Variants in ASAP1 observed in about 807,000 individuals in gnomAD.
ASAP1 encodes the protein ArfGAP with SH3 domain, ankyrin repeat and PH domain 1, also known as arf-GAP with SH3 domain, ANK repeat and PH domain-containing protein 1.
Under a neutral mutation model 145.2 loss-of-function variants are expected in ASAP1, and 43 were observed. The observed-to-expected ratio is 0.30, with a 90% confidence interval of 0.23 to 0.38. The LOEUF (loss-of-function observed/expected upper bound fraction) is 0.38, where lower values mean the gene tolerates loss of function less well. ASAP1 is among the 10% of genes least tolerant of loss of function. The probability of loss-of-function intolerance (pLI) is 1.00; values close to 1 mark genes in which losing one functional copy is unlikely to be tolerated. For missense variants in ASAP1, 1,018 were observed against 1,355.3 expected (o/e 0.75, Z 3.91); for synonymous variants, 546 against 515.5 (o/e 1.06, Z -0.80).
At chr8:130,214,468 A>AG in intron 5 of ASAP1, 88 bp downstream of exon 5, 1 of 1,298,712 alleles carries the variant, frequency 7.7e-7, no homozygotes, top group African/African-American at 1.5e-5. Flanking sequence ...CCAAGGATTG[A>AG]GGGGGAAGGA....
At chr8:130,282,474 C>T (rs1821310664) in intron 3 of ASAP1, among the ~76,000 whole-genome samples, 1 of 152,154 alleles carries the variant, frequency 6.6e-6, no homozygotes, top group Non-Finnish European at 1.5e-5. Flanking sequence ...GCTTAAGGTT[C>T]ACCAATTGCA....
intron 3 of ASAP1, among the ~76,000 whole-genome samples, chr8:130,283,551 C>A (rs144340531): frequency 1.1e-4 from 15 of 141,672 alleles, no homozygotes; most frequent in African/African-American, 3.6e-4. Flanking sequence ...CTGCACCACT[C>A]CAGCCTGGTG....
intron 9 of ASAP1, among the ~76,000 whole-genome samples, chr8:130,171,392 C>T (rs1813585215): frequency 1.3e-5 from 2 of 152,124 alleles, no homozygotes; most frequent in Non-Finnish European, 2.9e-5. Context: ...CCTCAGGAAA[C>T]TTACAACCAT....
intron 25 of ASAP1, chr8:130,083,257 T>C (rs905050411): frequency 2.6e-5 from 4 of 152,230 alleles, no homozygotes; most frequent in South Asian, 2.1e-4. Flanking sequence ...TTTCCAAAGA[T>C]GGTGTGAGTT....
At chr8:130,056,671 A>G (rs937631027) in intron 29 of ASAP1, among the ~76,000 whole-genome samples, 2 of 152,194 alleles carry the variant, frequency 1.3e-5, no homozygotes, top group Non-Finnish European at 1.5e-5. Flanking sequence ...GCCCATGCCT[A>G]TGTGTGTGTG....
intron 2 of ASAP1, among the ~76,000 whole-genome samples, chr8:130,374,767 T>G (rs899269331): frequency 1.1e-4 from 17 of 152,152 alleles, no homozygotes; most frequent in African/African-American, 3.1e-4. Context: ...GTGCCCAACC[T>G]CCTAGTCCTG....
At chr8:130,287,465 C>A (rs1454709618) in intron 3 of ASAP1, among the ~76,000 whole-genome samples, 1 of 152,096 alleles carries the variant, frequency 6.6e-6, no homozygotes, top group African/African-American at 2.4e-5. Flanking sequence ...ACCCACTGAC[C>A]CCCTCATCCA....
At chr8:130,298,119 G>A (rs921280654) in intron 3 of ASAP1, among the ~76,000 whole-genome samples, 2 of 152,150 alleles carry the variant, frequency 1.3e-5, no homozygotes, top group Non-Finnish European at 2.9e-5. Flanking sequence ...TTGGCCTCTA[G>A]GGTGCAAAAT....
intron 3 of ASAP1, among the ~76,000 whole-genome samples, chr8:130,280,354 A>T (rs1388813692): frequency 6.6e-6 from 1 of 152,250 alleles, no homozygotes; most frequent in African/African-American, 2.4e-5. Flanking sequence ...AATTGTGATT[A>T]TATGTCCCAA....
At chr8:130,238,939 C>A (rs1818369361) in intron 3 of ASAP1, among the ~76,000 whole-genome samples, 1 of 152,264 alleles carries the variant, frequency 6.6e-6, no homozygotes, top group South Asian at 2.1e-4. Flanking sequence ...AACTCCATAT[C>A]TTATCACATC....
At chr8:130,310,371 T>C (rs1317793857) in intron 3 of ASAP1, among the ~76,000 whole-genome samples, 8 of 152,180 alleles carry the variant, frequency 5.3e-5, no homozygotes, top group South Asian at 2.1e-4. Flanking sequence ...AGACCACTTA[T>C]TTTTAACAGC....
intron 4 of ASAP1, among the ~76,000 whole-genome samples, chr8:130,216,433 T>C (rs886832302): frequency 6.6e-6 from 1 of 152,232 alleles, no homozygotes; most frequent in Non-Finnish European, 1.5e-5. Flanking sequence ...ACATAAAGTA[T>C]ATAAAAGTTT....
chr8:130,310,732 A>C (rs534707298), intron 3 of ASAP1, among the ~76,000 whole-genome samples: 1 of 152,354 alleles, frequency 6.6e-6, no homozygotes, highest in African/African-American at 2.4e-5. Context: ...CATGTTAAAC[A>C]GTACTACTTC....
intron 3 of ASAP1, among the ~76,000 whole-genome samples, chr8:130,249,304 T>C (rs1819050560): frequency 6.6e-6 from 1 of 152,134 alleles, no homozygotes; most frequent in Non-Finnish European, 1.5e-5. Flanking sequence ...TCAATCTACT[T>C]TCACAGACTC....
chr8:130,247,237 A>T (rs1366445354), intron 3 of ASAP1, among the ~76,000 whole-genome samples: 1 of 152,090 alleles, frequency 6.6e-6, no homozygotes, highest in African/African-American at 2.4e-5. Flanking sequence ...ATTTTGGTTC[A>T]TTCTTGTCTC....
At chr8:130,247,685 T>C (rs1350085815) in intron 3 of ASAP1, among the ~76,000 whole-genome samples, 3 of 152,164 alleles carry the variant, frequency 2.0e-5, no homozygotes, top group Non-Finnish European at 2.9e-5. Context: ...TCACTGGGGT[T>C]GTGCCACCCA....
chr8:130,392,034 T>C (rs1002131602), intron 2 of ASAP1, among the ~76,000 whole-genome samples: 8 of 152,244 alleles, frequency 5.3e-5, no homozygotes, highest in African/African-American at 1.9e-4. Flanking sequence ...ACTTACGTTC[T>C]GCCTCATGCC....
At chr8:130,115,569 A>T in intron 23 of ASAP1, 59 bp downstream of exon 23, 1 of 1,321,100 alleles carries the variant, frequency 7.6e-7, no homozygotes, top group Non-Finnish European at 1.1e-6. Context: ...GATCTTGTCT[A>T]CACAGACTAG....
chr8:130,302,895 G>A (rs575788371), intron 3 of ASAP1, among the ~76,000 whole-genome samples: 11 of 152,230 alleles, frequency 7.2e-5, no homozygotes, highest in South Asian at 4.1e-4. Context: ...TGGAAAGATC[G>A]TGTCTTCTCC....
Sources: allele counts gnomAD v4.1 joint callset (sites outside exome capture counted in the v4.1 genomes callset), GRCh38; gene constraint gnomAD v4.1.1; transcripts MANE v1.5; gene names NCBI Gene and HGNC (gene_info 2026-07-23, HGNC 2026-07-21).